PSMB2: variants seen among roughly 807,000 people sequenced by gnomAD.
PSMB2 encodes proteasome 20S subunit beta 2.
A neutral mutation model predicts 25.7 loss-of-function variants in PSMB2; 13 were observed. That is an observed-to-expected ratio of 0.51 (90% CI 0.33 to 0.80). The LOEUF is 0.80. Ranked by LOEUF, PSMB2 falls within the 30% of genes least tolerant of loss-of-function variation. The probability of loss-of-function intolerance (pLI) is 0.02; values close to 1 mark genes in which losing one functional copy is unlikely to be tolerated. For missense variants in PSMB2, 202 were observed against 259.0 expected, an observed-to-expected ratio of 0.78 and a Z score of 1.51; for synonymous variants, 87 against 96.2, an observed-to-expected ratio of 0.90 and a Z score of 0.56.
At chr1:35,638,018 A>G (rs1330206403) in intron 1 of PSMB2, among the ~76,000 whole-genome samples, 1 of 152,174 alleles carries the variant, frequency 6.6e-6, no homozygotes, top group Non-Finnish European at 1.5e-5. Context: ...AGCATTATTC[A>G]ATAAGTTCGC....
At chr1:35,624,033 GCATGCTATA>G (rs964568944) in intron 3 of PSMB2, among the ~76,000 whole-genome samples, 3 of 152,188 alleles carry the variant, frequency 2.0e-5, no homozygotes, top group Non-Finnish European at 4.4e-5. Context: ...TAGGACAGGA[GCATGCTATA>G]CATGCCTACT....
intron 3 of PSMB2, among the ~76,000 whole-genome samples, chr1:35,617,966 T>C (rs1650554738): frequency 6.6e-6 from 1 of 152,224 alleles, no homozygotes; most frequent in Non-Finnish European, 1.5e-5. Flanking sequence ...CCAGCCATTT[T>C]CCCTGCTTCT....
In PSMB2 at chr1:35,600,081, T is replaced by C; in HGVS notation, c.*3186A>G. The stretch of plus-strand genomic sequence containing the variant: ...AGCCCAGGAGTTCAAGTGAACTTAC[T>C]GCAGTAAGCTACGATCGTGCCACTG... On this transcript the variant is annotated 3_prime_UTR_variant, in exon 6 of 6. Coordinates refer to ENST00000373237, the MANE Select transcript of PSMB2 (RefSeq NM_002794.5). 3 of 791,542 alleles carry C rather than the reference T, an allele frequency of 3.8e-6. No individual in the cohort carries two copies. Among genetic ancestry groups the C allele is most frequent in the Non-Finnish European group, 4.6e-6 (3 of 653,398 alleles). The allele number at this position is 791,542 out of a possible 1,614,324, so 49.0% of individuals were successfully genotyped here.
intron 3 of PSMB2, among the ~76,000 whole-genome samples, chr1:35,610,321 T>C (rs1650293256): frequency 6.6e-6 from 1 of 151,796 alleles, no homozygotes; most frequent in Non-Finnish European, 1.5e-5. Context: ...GCACCTGTGG[T>C]CCCAGCTACT....
intron 4 of PSMB2, among the ~76,000 whole-genome samples, chr1:35,608,723 T>C (rs144800595): frequency 0.012 from 1,805 of 152,290 alleles, 11 homozygotes; most frequent in Middle Eastern, 0.027. Context: ...GAGGCAGCCA[T>C]TAGGTGACAA....
At chr1:35,626,137 C>T (rs997616981) in intron 3 of PSMB2, among the ~76,000 whole-genome samples, 3 of 152,086 alleles carry the variant, frequency 2.0e-5, no homozygotes, top group Non-Finnish European at 4.4e-5. Flanking sequence ...TGTGCCTGGC[C>T]GAAGAAAGCA....
At chr1:35,633,634 CT>C (rs1161686212) in intron 2 of PSMB2, among the ~76,000 whole-genome samples, 2 of 152,304 alleles carry the variant, frequency 1.3e-5, no homozygotes, top group East Asian at 3.9e-4. Context: ...TACTGACATA[CT>C]TCATTTGTTA....
Position 35,601,812 on chromosome 1 carries a change from C to T in PSMB2, c.*1455G>A. ...GAAATGTGAGATGAACATTCTGAAA[C>T]ACACATCTGGTCAAGAACCACTGTT... On this transcript the variant is annotated 3_prime_UTR_variant, in exon 6 of 6. Coordinates refer to ENST00000373237, the MANE Select transcript of PSMB2 (RefSeq NM_002794.5). 2 of 985,422 alleles carry T rather than the reference C, an allele frequency of 2.0e-6. No individual in the cohort carries two copies. The highest frequency in any genetic ancestry group is 9.4e-5 in the South Asian group (2 of 21,288). 61.0% of individuals were successfully genotyped at this position (985,422 alleles called of 1,614,324 possible).
chr1:35,621,547 T>A (rs1050945444), intron 3 of PSMB2, among the ~76,000 whole-genome samples: 2 of 152,250 alleles, frequency 1.3e-5, no homozygotes, highest in Non-Finnish European at 2.9e-5. Context: ...TCCTTTCTTC[T>A]TTCCAATCAG....
chr1:35,606,439 C>T (rs1204267980), intron 4 of PSMB2, among the ~76,000 whole-genome samples: 1 of 151,986 alleles, frequency 6.6e-6, no homozygotes, highest in Admixed American at 6.6e-5. Context: ...ATCCCATTTA[C>T]AATAGACACA....
chr1:35,633,418 A>G (rs771298979), intron 2 of PSMB2, among the ~76,000 whole-genome samples: 3 of 152,196 alleles, frequency 2.0e-5, no homozygotes, highest in Non-Finnish European at 4.4e-5. Context: ...AAGAATTACT[A>G]TATAGAGTTA....
Position 35,600,443 on chromosome 1 carries a change from G to GTTA in PSMB2, c.*2823_*2824insTAA. ...TTAACATTACAGAAACTGAATAAGG[G>GTTA]GTATAAGGACACCATATTATCTTTG... is the stretch of plus-strand genomic sequence containing the variant. On this transcript the variant is annotated 3_prime_UTR_variant, in exon 6 of 6. Transcript: ENST00000373237. The GTTA allele has an allele frequency of 1.2e-6, 1 of 869,264 alleles. No individual in the cohort carries two copies. Among genetic ancestry groups the GTTA allele is most frequent in the Middle Eastern group, 6.0e-4 (1 of 1,664 alleles). 53.8% of individuals were successfully genotyped at this position (869,264 alleles called of 1,614,324 possible).
In PSMB2 at chr1:35,602,377, A is replaced by C. The variant is rs1250398729; in HGVS notation, c.*890T>G. 1.3e-5 allele frequency: 2 copies of C among 152,226 alleles called. No homozygotes were observed. The highest frequency in any genetic ancestry group is 2.9e-5 in the Non-Finnish European group (2 of 68,036). 9.4% of individuals were successfully genotyped at this position (152,226 alleles called of 1,614,324 possible). A position where few individuals can be genotyped will look rare whatever the true frequency, so the allele number is the denominator to read the frequency against. ...AAATTTAAAGGGGGCATGTGTCTGTATGTATGTATACTTTACACAGTAACA... is the reference window on the plus strand; with the variant it reads ...AAATTTAAAGGGGGCATGTGTCTGTCTGTATGTATACTTTACACAGTAACA... On this transcript the variant is annotated 3_prime_UTR_variant, in exon 6 of 6. Transcript: ENST00000373237.
chr1:35,609,471 C>T, intron 3 of PSMB2, 63 bp from the exon 4 acceptor site: 1 of 1,302,394 alleles, frequency 7.7e-7, no homozygotes, highest in Non-Finnish European at 1.0e-6. Flanking sequence ...CTTCCCATGG[C>T]AAATGAGAAT....
At chr1:35,609,464 C>A in intron 3 of PSMB2, 56 bp from the exon 4 acceptor site, 1 of 1,335,072 alleles carries the variant, frequency 7.5e-7, no homozygotes, top group South Asian at 1.8e-5. Flanking sequence ...AACATCTCTT[C>A]CCATGGCAAA....
intron 2 of PSMB2, among the ~76,000 whole-genome samples, chr1:35,633,648 C>T (rs1327995734): frequency 1.3e-5 from 2 of 152,290 alleles, no homozygotes; most frequent in African/African-American, 2.4e-5. Flanking sequence ...ATTTGTTATG[C>T]AGGCAAAAAG....
chr1:35,603,443 A>G, intron 5 of PSMB2, 69 bp from the exon 6 acceptor site: 1 of 1,556,808 alleles, frequency 6.4e-7, no homozygotes, highest in Non-Finnish European at 8.8e-7. Flanking sequence ...GCTCTGTTCT[A>G]GACACTGGGG....
Position 35,601,728 on chromosome 1 carries a change from GT to G in PSMB2, c.*1538del, listed in dbSNP as rs1650007622. 3 of 985,292 alleles carry G rather than the reference GT, an allele frequency of 3.0e-6. No individual in the cohort carries two copies. Among genetic ancestry groups the G allele is most frequent in the Non-Finnish European group, 3.6e-6 (3 of 829,928 alleles). The allele number at this position is 985,292 out of a possible 1,614,324, so 61.0% of individuals were successfully genotyped here. ...ATTGGATAAAGTAGGGTTTATCTTA[GT>G]CGGAGACCAAATGGTTTTGATATGT... is the stretch of plus-strand genomic sequence containing the variant. On this transcript the variant is annotated 3_prime_UTR_variant, in exon 6 of 6. Transcript: ENST00000373237.
In PSMB2 at chr1:35,600,532, G is replaced by A. The variant is rs562198619; in HGVS notation, c.*2735C>T. On this transcript the variant is annotated 3_prime_UTR_variant, in exon 6 of 6. Coordinates refer to ENST00000373237, the MANE Select transcript of PSMB2 (RefSeq NM_002794.5). ...CATTTATTAAAAATAAATGATGCCTGGGTTTCTGACTTGGGCACTTGGGAA... is the reference window on the plus strand; with the variant it reads ...CATTTATTAAAAATAAATGATGCCTAGGTTTCTGACTTGGGCACTTGGGAA... 1.0e-5 allele frequency: 10 copies of A among 984,536 alleles called. No homozygotes were observed. In the South Asian group the frequency reaches 4.2e-4, roughly 42 times the overall value. The allele number at this position is 984,536 out of a possible 1,614,324, so 61.0% of individuals were successfully genotyped here.
Sources: allele counts gnomAD v4.1 joint callset (sites outside exome capture counted in the v4.1 genomes callset), GRCh38; gene constraint gnomAD v4.1.1; transcripts MANE v1.5; gene names NCBI Gene and HGNC (gene_info 2026-07-23, HGNC 2026-07-21).